The following HS3ST2 variants were observed in gnomAD, a reference collection of about 807,000 sequenced individuals.
HS3ST2 encodes heparan sulfate-glucosamine 3-sulfotransferase 2, also known as heparan sulfate glucosamine 3-O-sulfotransferase 2.
A neutral mutation model predicts 26.3 loss-of-function variants in HS3ST2; 17 were observed. The ratio of observed to expected loss-of-function variants is 0.65; its 90% CI spans 0.44 to 0.97. The LOEUF is 0.97. Ranked by LOEUF, HS3ST2 falls within the 50% of genes least tolerant of loss-of-function variation. The pLI, the probability that HS3ST2 is intolerant of heterozygous loss-of-function variation, is 0.00. For missense variants in HS3ST2, 402 were observed against 501.2 expected (o/e 0.80, Z 1.89); for synonymous variants, 237 against 219.2 (o/e 1.08, Z -0.72).
rs142101928 is a variant in HS3ST2 at position 22,903,876 on chromosome 16, C to T, written c.486-11068C>T. 2.1e-3 allele frequency among the ~76,000 whole-genome samples: 316 copies of T among 152,232 alleles called. 1 individual carries two copies. The highest frequency in any genetic ancestry group is 3.5e-3 in the Non-Finnish European group (238 of 68,016). ...GGACAGCATTACCCTTTCTTCTCAC[C>T]ATGTCATTGAGGGGACTGCCAGGGC... On this transcript the variant is annotated intron_variant, in intron 1 of 1. Transcript: ENST00000261374.
At chr16:22,839,047 C>T (rs541306191) in intron 1 of HS3ST2, among the ~76,000 whole-genome samples, 1 of 152,342 alleles carries the variant, frequency 6.6e-6, no homozygotes, top group Non-Finnish European at 1.5e-5. Context: ...CATATCCCTG[C>T]ATTGCCTCTG....
At position 22,915,080 on chromosome 16, in the gene HS3ST2, G is replaced by T; in HGVS notation, c.622G>T (p.Val208Leu). 1 of 1,613,990 alleles carries T rather than the reference G, an allele frequency of 6.2e-7. No individual in the cohort carries two copies. Among genetic ancestry groups the T allele is most frequent in the Non-Finnish European group, 8.5e-7 (1 of 1,179,982 alleles). Residue 208 changes from valine (V) to leucine (L), a missense_variant, in exon 2 of 2, where the codon GTG becomes TTG. This residue lies in a region of HS3ST2 where 237 missense variants were observed against 346.6 expected (regional missense o/e 0.68). Transcript: ENST00000261374. ...TKLIVVVRNP[V>L]TRAISDYTQT... Reference sequence around the variant, plus strand: ...GCTGATCGTGGTTGTGCGGAACCCTGTGACCCGTGCCATCTCTGATTACAC... The same window carrying T: ...GCTGATCGTGGTTGTGCGGAACCCTTTGACCCGTGCCATCTCTGATTACAC...
Position 22,867,241 on chromosome 16 carries a change from T to C in HS3ST2, c.486-47703T>C, listed in dbSNP as rs2141191744. ...CATTTGGAAACTAATTCTTCCCTCATATATACCAAAATAAGTCTCAAAATA... is the reference window on the plus strand; with the variant it reads ...CATTTGGAAACTAATTCTTCCCTCACATATACCAAAATAAGTCTCAAAATA... On this transcript the variant is annotated intron_variant, in intron 1 of 1. Coordinates refer to ENST00000261374, the MANE Select transcript of HS3ST2 (RefSeq NM_006043.2). Among the ~76,000 whole-genome samples, 2 of 152,328 alleles carry C rather than the reference T, an allele frequency of 1.3e-5. 1 individual carries two copies. Among genetic ancestry groups the C allele is most frequent in the Middle Eastern group, 6.8e-3 (2 of 294 alleles).
Position 22,915,658 on chromosome 16 carries a change from C to A in HS3ST2, c.*96C>A. On this transcript the variant is annotated 3_prime_UTR_variant, in exon 2 of 2. Coordinates refer to ENST00000261374, the MANE Select transcript of HS3ST2 (RefSeq NM_006043.2). ...CTGATCTCCCTCCAACAAACCCTGG[C>A]TCCAGCCCCCTTTCCCAACTTGAGT... 2 of 1,351,764 alleles carry A rather than the reference C, an allele frequency of 1.5e-6. No homozygotes were observed. Among genetic ancestry groups the A allele is most frequent in the Admixed American group, 2.3e-5 (1 of 43,496 alleles). The allele number at this position is 1,351,764 out of a possible 1,614,324, so 83.7% of individuals were successfully genotyped here.
intron 1 of HS3ST2, among the ~76,000 whole-genome samples, chr16:22,914,525 T>C (rs1260589631): frequency 6.6e-6 from 1 of 151,634 alleles, no homozygotes; most frequent in Admixed American, 6.6e-5. Context: ...GGCAACATAA[T>C]GAGACCCTGC....
intron 1 of HS3ST2, among the ~76,000 whole-genome samples, chr16:22,845,966 C>G (rs1370981164): frequency 6.6e-6 from 1 of 152,146 alleles, no homozygotes; most frequent in East Asian, 1.9e-4. Flanking sequence ...GCCCAGTCAA[C>G]ACTTGTTAAT....
intron 1 of HS3ST2, among the ~76,000 whole-genome samples, chr16:22,899,049 C>T (rs1902247288): frequency 6.6e-6 from 1 of 152,200 alleles, no homozygotes; most frequent in Non-Finnish European, 1.5e-5. Flanking sequence ...TTGCGGAACT[C>T]ATCCCTGCAA....
intron 1 of HS3ST2, among the ~76,000 whole-genome samples, chr16:22,874,987 A>G (rs1901894442): frequency 6.6e-6 from 1 of 152,196 alleles, no homozygotes; most frequent in East Asian, 1.9e-4. Flanking sequence ...AGTGGCCAGC[A>G]TTGACAGAAC....
At chr16:22,851,731 C>T (rs1466227564) in intron 1 of HS3ST2, among the ~76,000 whole-genome samples, 3 of 152,148 alleles carry the variant, frequency 2.0e-5, no homozygotes, top group South Asian at 2.1e-4. Context: ...AGCCAATTGT[C>T]GTGTTGATGG....
intron 1 of HS3ST2, among the ~76,000 whole-genome samples, chr16:22,895,215 G>A (rs557905482): frequency 4.0e-5 from 6 of 151,742 alleles, no homozygotes; most frequent in South Asian, 4.2e-4. Flanking sequence ...TCAGCCTCCC[G>A]AGTAGCTGGG....
At chr16:22,912,849 G>T (rs1334700304) in intron 1 of HS3ST2, among the ~76,000 whole-genome samples, 1 of 152,056 alleles carries the variant, frequency 6.6e-6, no homozygotes, top group Non-Finnish European at 1.5e-5. Flanking sequence ...GGGCACACAG[G>T]TGGGCGTGTC....
At chr16:22,843,700 C>T (rs1237884000) in intron 1 of HS3ST2, among the ~76,000 whole-genome samples, 1 of 152,208 alleles carries the variant, frequency 6.6e-6, no homozygotes, top group African/African-American at 2.4e-5. Flanking sequence ...AGCTCTTCTT[C>T]ACCTTCCTGT....
intron 1 of HS3ST2, among the ~76,000 whole-genome samples, chr16:22,879,897 G>A (rs1216586007): frequency 1.3e-5 from 2 of 152,140 alleles, no homozygotes; most frequent in African/African-American, 4.8e-5. Flanking sequence ...ACCCCAGACT[G>A]GACACAGGGG....
At chr16:22,870,642 A>G (rs1387248046) in intron 1 of HS3ST2, among the ~76,000 whole-genome samples, 1 of 152,050 alleles carries the variant, frequency 6.6e-6, no homozygotes, top group Non-Finnish European at 1.5e-5. Context: ...CCCCGGAAAC[A>G]CCAGGTGCAT....
Position 22,814,571 on chromosome 16 carries a change from C to T in HS3ST2, c.-40C>T. ...CCACAGCAGCTCAGCCGCCGGTGCC[C>T]CCTCGGAAACCATGACCCCCGGCGC... On this transcript the variant is annotated 5_prime_UTR_variant, in exon 1 of 2. Transcript: ENST00000261374. 1 of 1,477,954 alleles carries T rather than the reference C, an allele frequency of 6.8e-7. No individual in the cohort carries two copies. Among genetic ancestry groups the T allele is most frequent in the Non-Finnish European group, 8.9e-7 (1 of 1,120,912 alleles). The allele number at this position is 1,477,954 out of a possible 1,614,324, so 91.6% of individuals were successfully genotyped here.
intron 1 of HS3ST2, among the ~76,000 whole-genome samples, chr16:22,817,267 C>G (rs1469297174): frequency 6.6e-6 from 1 of 152,096 alleles, no homozygotes; most frequent in Non-Finnish European, 1.5e-5. Context: ...AAAAGACTAT[C>G]CTAGAGGTCT....
chr16:22,878,431 T>C (rs1055870226), intron 1 of HS3ST2, among the ~76,000 whole-genome samples: 64 of 152,288 alleles, frequency 4.2e-4, no homozygotes, highest in African/African-American at 1.5e-3. Flanking sequence ...GATTAGTACA[T>C]GTTCGAGTCA....
intron 1 of HS3ST2, among the ~76,000 whole-genome samples, chr16:22,874,820 C>T (rs889897475): frequency 1.3e-5 from 2 of 152,154 alleles, no homozygotes; most frequent in African/African-American, 2.4e-5. Context: ...AGGGCTGCAT[C>T]GCCCTGTGAG....
In HS3ST2 at chr16:22,896,867, C is replaced by T. The variant is rs574004341; in HGVS notation, c.486-18077C>T. Among the ~76,000 whole-genome samples the T allele has an allele frequency of 9.2e-5, 14 of 152,218 alleles. No individual in the cohort carries two copies. In the East Asian group the frequency reaches 9.7e-4, roughly 11 times the overall value. On this transcript the variant is annotated intron_variant, in intron 1 of 1. Coordinates refer to ENST00000261374, the MANE Select transcript of HS3ST2 (RefSeq NM_006043.2). The stretch of plus-strand genomic sequence containing the variant: ...TTGCCCAGGCACTGGAGTGCAACGG[C>T]GCAATCTCAGCTCACTGCAGCCTTG...
Sources: allele counts gnomAD v4.1 joint callset (sites outside exome capture counted in the v4.1 genomes callset), GRCh38; gene constraint gnomAD v4.1.1; regional missense constraint gnomAD v4.1.1; transcripts MANE v1.5; gene names NCBI Gene and HGNC (gene_info 2026-07-23, HGNC 2026-07-21).